TEKTIP1: variants seen among roughly 807,000 people sequenced by gnomAD.
The protein encoded by TEKTIP1 is tektin bundle interacting protein 1.
the TEKTIP1 span, chr19:3,542,364 T>G: frequency 1.0e-6 from 1 of 985,408 alleles, no homozygotes; most frequent in Non-Finnish European, 1.2e-6. Context: ...CAGATGAGAT[T>G]GTTTTGAACC....
chr19:3,541,395 TCA>T, the TEKTIP1 span, among the ~76,000 whole-genome samples: 1 of 149,902 alleles, frequency 6.7e-6, no homozygotes, highest in Non-Finnish European at 1.5e-5. Context: ...TGATCTCAGC[TCA>T]CTGCAACCTC....
the TEKTIP1 span, chr19:3,541,765 G>A: frequency 1.1e-4 from 108 of 985,334 alleles, no homozygotes; most frequent in African/African-American, 2.3e-4. Flanking sequence ...GTACGGGGCC[G>A]ACAGCAGGGG....
chr19:3,543,508 C>T, the TEKTIP1 span: 1 of 1,432,586 alleles, frequency 7.0e-7, no homozygotes, highest in South Asian at 1.2e-5. Flanking sequence ...GGCAGCGGGC[C>T]TGCCAGAGGG....
the TEKTIP1 span, chr19:3,542,336 C>T: frequency 2.8e-5 from 28 of 985,262 alleles, no homozygotes; most frequent in South Asian, 1.4e-4. Flanking sequence ...GAGCTGGAAC[C>T]GGGCTTTCCG....
the TEKTIP1 span, chr19:3,543,489 C>G: frequency 2.0e-6 from 3 of 1,520,942 alleles, no homozygotes; most frequent in African/African-American, 2.8e-5. Flanking sequence ...TGCCCCCCCC[C>G]CCGCCCTGGG....
the TEKTIP1 span, chr19:3,543,482 C>T: frequency 7.0e-7 from 1 of 1,434,404 alleles, no homozygotes; most frequent in Non-Finnish European, 9.3e-7. Context: ...GGGTGAGTGC[C>T]CCCCCCCCCG....
At chr19:3,539,553 AGG>A in the TEKTIP1 span, 1 of 449,782 alleles carries the variant, frequency 2.2e-6, no homozygotes, top group Non-Finnish European at 4.1e-6. Flanking sequence ...TCTGAAATCC[AGG>A]CCTGTGCGGG....
At chr19:3,543,504 G>A in the TEKTIP1 span, 118 of 1,378,434 alleles carry the variant, frequency 8.6e-5, no homozygotes, top group Middle Eastern at 2.7e-4. Flanking sequence ...CCTGGGCAGC[G>A]GGCCTGCCAG....
At chr19:3,542,641 C>G in the TEKTIP1 span, 2 of 1,074,806 alleles carry the variant, frequency 1.9e-6, no homozygotes, top group East Asian at 1.2e-4. Context: ...CACACCATGC[C>G]TGGCTTAATT....
At chr19:3,543,978 T>TC in the TEKTIP1 span, 1 of 1,546,596 alleles carries the variant, frequency 6.5e-7, no homozygotes, top group African/African-American at 1.4e-5. Context: ...CTGCCAGCGG[T>TC]CCCCGCCTTC....
chr19:3,541,919 C>T, the TEKTIP1 span: 9 of 560,432 alleles, frequency 1.6e-5, no homozygotes, highest in African/African-American at 2.0e-5. Flanking sequence ...AGCTAATTCT[C>T]CTGCCTCAGC....
At chr19:3,542,107 G>A in the TEKTIP1 span, 1 of 985,274 alleles carries the variant, frequency 1.0e-6, no homozygotes, top group Non-Finnish European at 1.2e-6. Flanking sequence ...ACTGCGCCCA[G>A]ACAATTTTGT....
At chr19:3,543,965 C>T in the TEKTIP1 span, 14 of 1,550,038 alleles carry the variant, frequency 9.0e-6, no homozygotes, top group African/African-American at 2.7e-5. Flanking sequence ...ACTGCCCCTC[C>T]ACCTGCCAGC....
the TEKTIP1 span, chr19:3,541,830 A>G: frequency 3.1e-6 from 3 of 980,672 alleles, no homozygotes; most frequent in Non-Finnish European, 3.6e-6. Flanking sequence ...TTGTGTTGAG[A>G]CAGAGTCTCG....
the TEKTIP1 span, chr19:3,543,156 C>G: frequency 6.6e-7 from 1 of 1,514,912 alleles, no homozygotes. Context: ...CTACATCATC[C>G]ACCCTGGCAG....
chr19:3,543,632 T>G, the TEKTIP1 span: 5 of 1,543,620 alleles, frequency 3.2e-6, no homozygotes, highest in Non-Finnish European at 3.5e-6. Flanking sequence ...CAGCACCCGG[T>G]GGGGGAGCGC....
the TEKTIP1 span, chr19:3,542,795 A>G: frequency 7.3e-7 from 1 of 1,370,180 alleles, no homozygotes; most frequent in Non-Finnish European, 9.8e-7. Flanking sequence ...TGGGTCCCCC[A>G]GTCTTCCCTG....
the TEKTIP1 span, among the ~76,000 whole-genome samples, chr19:3,540,481 C>G: frequency 6.6e-6 from 1 of 150,650 alleles, no homozygotes; most frequent in Non-Finnish European, 1.5e-5. Flanking sequence ...TGGTCTCGAT[C>G]TCCTGACCTC....
chr19:3,542,687 T>C, the TEKTIP1 span: 6 of 1,222,796 alleles, frequency 4.9e-6, no homozygotes, highest in African/African-American at 1.6e-5. Context: ...TTTACCATGC[T>C]GGCCAGGCTG....
Sources: gnomAD v4.1 joint callset for allele counts (sites outside exome capture counted in the v4.1 genomes callset) on GRCh38, gnomAD v4.1.1 for gene constraint, MANE v1.5 for transcripts, NCBI Gene and HGNC (gene_info 2026-07-23, HGNC 2026-07-21) for gene names.